The following PTPRD variants were observed in gnomAD, a reference collection of about 807,000 sequenced individuals.
The protein encoded by PTPRD is protein tyrosine phosphatase receptor type D.
A neutral mutation model predicts 214.5 loss-of-function variants in PTPRD; 34 were observed. The observed-to-expected ratio is 0.16, with a 90% confidence interval of 0.12 to 0.21. The LOEUF (loss-of-function observed/expected upper bound fraction) is 0.21, where lower values mean the gene tolerates loss of function less well. Ranked by LOEUF, PTPRD falls within the 10% of genes least tolerant of loss-of-function variation. PTPRD has a pLI of 1.00. For missense variants in PTPRD, 2,545 were observed against 2,398.7 expected, an observed-to-expected ratio of 1.06 and a Z score of -1.27; for synonymous variants, 1,128 against 845.7, an observed-to-expected ratio of 1.33 and a Z score of -5.79.
intron 12 of PTPRD, among the ~76,000 whole-genome samples, chr9:8,641,776 G>C (rs1020992790): frequency 5.9e-5 from 9 of 152,124 alleles, no homozygotes; most frequent in Admixed American, 2.6e-4. Flanking sequence ...ACTGATTTTT[G>C]CTTTTAAGAA....
intron 14 of PTPRD, among the ~76,000 whole-genome samples, chr9:8,567,105 T>C (rs1023586057): frequency 3.9e-5 from 6 of 152,324 alleles, no homozygotes; most frequent in African/African-American, 1.4e-4. Flanking sequence ...TGACACAATA[T>C]TTTATCAGTA....
At chr9:9,947,373 AT>A (rs1171589409) in intron 4 of PTPRD, among the ~76,000 whole-genome samples, 18 of 57,518 alleles carry the variant, frequency 3.1e-4, no homozygotes, top group East Asian at 2.4e-3. Flanking sequence ...TTATATATAT[AT>A]TATATATATT....
chr9:9,785,924 A>G (rs16930284), intron 5 of PTPRD, among the ~76,000 whole-genome samples: 2,227 of 152,296 alleles, frequency 0.015, 69 homozygotes, highest in African/African-American at 0.05. Context: ...GGTCATGATG[A>G]AATGAAGGCA....
chr9:8,651,747 TTA>T (rs2096815387), intron 12 of PTPRD, among the ~76,000 whole-genome samples: 1 of 152,028 alleles, frequency 6.6e-6, no homozygotes, highest in African/African-American at 2.4e-5. Flanking sequence ...CCGAAATCTG[TTA>T]TGTTTTGGCC....
At chr9:9,397,007 T>G (rs1459373349) in intron 9 of PTPRD, among the ~76,000 whole-genome samples, 1 of 152,026 alleles carries the variant, frequency 6.6e-6, no homozygotes, top group Non-Finnish European at 1.5e-5. Flanking sequence ...TATAAGGCAA[T>G]TATGTAAGCT....
intron 9 of PTPRD, among the ~76,000 whole-genome samples, chr9:9,214,271 T>C (rs771892107): frequency 1.3e-5 from 2 of 152,204 alleles, no homozygotes; most frequent in African/African-American, 2.4e-5. Context: ...TGTTCCCCGA[T>C]ATGGTCCAGT....
chr9:8,827,529 C>T (rs567727716), intron 11 of PTPRD, among the ~76,000 whole-genome samples: 9 of 152,226 alleles, frequency 5.9e-5, no homozygotes, highest in Admixed American at 5.2e-4. Flanking sequence ...ATCACTTGAA[C>T]CCAGGAGGCA....
At chr9:10,422,046 C>T (rs761404933) in intron 2 of PTPRD, among the ~76,000 whole-genome samples, 18 of 152,056 alleles carry the variant, frequency 1.2e-4, no homozygotes, top group Admixed American at 7.2e-4. Context: ...CATCACGCTA[C>T]CTGACTTCAA....
chr9:9,838,350 T>G (rs537300908), intron 5 of PTPRD, among the ~76,000 whole-genome samples: 185 of 152,194 alleles, frequency 1.2e-3, no homozygotes, highest in African/African-American at 4.4e-3. Context: ...CCACACTGAC[T>G]TCCACAATGG....
chr9:9,979,181 T>G (rs2095460154), intron 4 of PTPRD, among the ~76,000 whole-genome samples: 1 of 152,028 alleles, frequency 6.6e-6, no homozygotes, highest in Non-Finnish European at 1.5e-5. Flanking sequence ...AAACTTAGAT[T>G]TATACAAAGA....
At chr9:8,639,447 G>C (rs560883878) in intron 12 of PTPRD, among the ~76,000 whole-genome samples, 17 of 152,134 alleles carry the variant, frequency 1.1e-4, no homozygotes, top group Non-Finnish European at 2.4e-4. Flanking sequence ...CTGTCAACCG[G>C]GAAGGAAAAT....
At chr9:8,453,904 C>G (rs1224687678) in intron 33 of PTPRD, among the ~76,000 whole-genome samples, 7 of 152,058 alleles carry the variant, frequency 4.6e-5, no homozygotes, top group Non-Finnish European at 1.0e-4. Flanking sequence ...AGGTGATCTT[C>G]AAGATGTTTT....
intron 10 of PTPRD, among the ~76,000 whole-genome samples, chr9:9,171,905 T>C (rs764585576): frequency 6.6e-6 from 1 of 152,128 alleles, no homozygotes; most frequent in African/African-American, 2.4e-5. Context: ...TGGAAAGACA[T>C]AATCATTATT....
chr9:8,878,470 G>T (rs1209552715), intron 11 of PTPRD, among the ~76,000 whole-genome samples: 2 of 152,014 alleles, frequency 1.3e-5, no homozygotes, highest in Non-Finnish European at 2.9e-5. Context: ...GAAAAGAGAA[G>T]TGCTCTGTTG....
At chr9:9,142,148 C>T (rs530237150) in intron 10 of PTPRD, among the ~76,000 whole-genome samples, 1 of 152,350 alleles carries the variant, frequency 6.6e-6, no homozygotes, top group African/African-American at 2.4e-5. Context: ...TGGACAGGTG[C>T]TCTTTGAATG....
intron 6 of PTPRD, among the ~76,000 whole-genome samples, chr9:9,743,470 G>C (rs1391365246): frequency 6.6e-6 from 1 of 152,044 alleles, no homozygotes; most frequent in Non-Finnish European, 1.5e-5. Context: ...AAGGCACCTA[G>C]GTCAGCGCTT....
At chr9:10,467,724 G>C (rs1319613346) in intron 2 of PTPRD, among the ~76,000 whole-genome samples, 1 of 152,192 alleles carries the variant, frequency 6.6e-6, no homozygotes, top group Non-Finnish European at 1.5e-5. Flanking sequence ...ATGGAGTAGA[G>C]AGAGAAGAGG....
chr9:8,676,146 G>A (rs761562114), intron 12 of PTPRD, among the ~76,000 whole-genome samples: 4 of 152,044 alleles, frequency 2.6e-5, no homozygotes, highest in Non-Finnish European at 4.4e-5. Flanking sequence ...ACTGTTGCCT[G>A]GCATGTAAAT....
intron 8 of PTPRD, among the ~76,000 whole-genome samples, chr9:9,469,751 G>C (rs1036856122): frequency 6.6e-6 from 1 of 152,098 alleles, no homozygotes; most frequent in Non-Finnish European, 1.5e-5. Context: ...CTCTGCCTGG[G>C]CTTCCTAAGG....
Sources: gnomAD v4.1 joint callset for allele counts (sites outside exome capture counted in the v4.1 genomes callset) on GRCh38, gnomAD v4.1.1 for gene constraint, MANE v1.5 for transcripts, NCBI Gene and HGNC (gene_info 2026-07-23, HGNC 2026-07-21) for gene names.